DNAI3: variants seen among roughly 807,000 people sequenced by gnomAD.
DNAI3 encodes dynein axonemal intermediate chain 3.
In DNAI3, 83 loss-of-function variants were observed where a neutral mutation model predicts 115.5. That is an observed-to-expected ratio of 0.72 (90% confidence interval 0.60 to 0.86). The LOEUF (loss-of-function observed/expected upper bound fraction) is 0.86. Among genes scored for constraint, DNAI3 ranks in the 40% least tolerant of loss-of-function variants. The probability of loss-of-function intolerance (pLI) is 0.00; values close to 1 mark genes in which losing one functional copy is unlikely to be tolerated. For missense variants in DNAI3, 1,004 were observed against 1,075.8 expected (o/e 0.93, Z 0.93); for synonymous variants, 320 against 347.0 (o/e 0.92, Z 0.86).
At position 85,108,085 on chromosome 1, in the gene DNAI3, A is replaced by C. The variant is rs756741587; in HGVS notation, c.1606A>C (p.Thr536Pro). ...RPQKPLTPQTTEKKKEESIEI... is the reference protein window; with the variant it reads ...RPQKPLTPQTPEKKKEESIEI... ...ACAGAAACCTTTAACCCCCCAAACA[A>C]CAGAGAAAAAGAAGGAGGAAAGTAT... is the stretch of plus-strand genomic sequence containing the variant. The change falls in exon 15 of 23, where the codon ACA (threonine) becomes CCA (proline). Residue 536 changes from threonine to proline, a missense_variant. Physicochemically the swap from Thr to Pro is conservative, Grantham distance 38. This residue lies in a region of DNAI3 where 429 missense variants were observed against 454.3 expected (regional missense o/e 0.94). Coordinates refer to ENST00000294664, the MANE Select transcript of DNAI3 (RefSeq NM_145172.5). 1.2e-6 allele frequency: 2 copies of C among 1,610,118 alleles called. No individual in the cohort carries two copies. Among genetic ancestry groups the C allele is most frequent in the African/African-American group, 2.7e-5 (2 of 74,822 alleles).
chr1:85,082,772 C>T (rs1654673595), intron 5 of DNAI3, among the ~76,000 whole-genome samples: 1 of 152,158 alleles, frequency 6.6e-6, no homozygotes. Flanking sequence ...AGATCGGGTT[C>T]TGGCACCTAG....
intron 5 of DNAI3, 74 bp downstream of exon 5, chr1:85,082,478 C>A: frequency 8.5e-7 from 1 of 1,182,712 alleles, no homozygotes; most frequent in Non-Finnish European, 1.2e-6. Context: ...TAGGCTCTTG[C>A]TCTGTCACCC....
rs143844361 is a variant in DNAI3, at chr1:85,085,047, A to G, written c.540+352A>G. Among the ~76,000 whole-genome samples, 8 of 152,308 alleles carry G rather than the reference A, an allele frequency of 5.3e-5. No homozygotes were observed. The East Asian group carries it at 1.2e-3, about 22-fold the overall frequency. ...CTTGTGATAAGATGGCCATGGGATG[A>G]CAAAGAGACACAGGGAGAATGGCAT... On this transcript the variant is annotated intron_variant, in intron 6 of 22. Transcript: ENST00000294664.
intron 1 of DNAI3, among the ~76,000 whole-genome samples, chr1:85,068,941 G>A (rs951144509): frequency 6.6e-6 from 1 of 152,202 alleles, no homozygotes; most frequent in African/African-American, 2.4e-5. Flanking sequence ...TGTGAAAGTG[G>A]TATGTGTGAA....
chr1:85,085,165 G>T (rs1484258402), intron 6 of DNAI3, among the ~76,000 whole-genome samples: 2 of 152,120 alleles, frequency 1.3e-5, no homozygotes, highest in Admixed American at 1.3e-4. Context: ...CAGAAACAGG[G>T]AACAGATTCT....
At position 85,073,067 on chromosome 1, in the gene DNAI3, G is replaced by A; in HGVS notation, c.78G>A (p.Met26Ile). ...LKPVLAASED[M>I]EPVNMESMGH... Reference sequence around the variant, plus strand: ...ATTATATTCTAGCTAGTGAAGACATGGAACCAGTAAATATGGAGAGCATGG... The same window carrying A: ...ATTATATTCTAGCTAGTGAAGACATAGAACCAGTAAATATGGAGAGCATGG... The change falls in exon 3 of 23, where the codon ATG becomes ATA. Residue 26 changes from methionine (M) to isoleucine (I), a missense_variant. Coordinates refer to ENST00000294664, the MANE Select transcript of DNAI3 (RefSeq NM_145172.5). 2.6e-6 allele frequency: 4 copies of A among 1,548,046 alleles called. No homozygotes were observed. The highest frequency in any genetic ancestry group is 3.5e-6 in the Non-Finnish European group (4 of 1,144,712).
Position 85,098,680 on chromosome 1 carries a change from C to A in DNAI3, c.1479+22C>A, listed in dbSNP as rs1050619425. The A allele has an allele frequency of 2.1e-5, 33 of 1,605,770 alleles. No individual in the cohort carries two copies. In the Admixed American group the frequency reaches 5.7e-4, roughly 28 times the overall value. On this transcript the variant is annotated intron_variant, in intron 13 of 22. Coordinates refer to ENST00000294664, the MANE Select transcript of DNAI3 (RefSeq NM_145172.5). ...TGAGGTGAGACTTGATGGCCTTATA[C>A]TTTTCTCCTGCTGAATTACACATTT... is the stretch of plus-strand genomic sequence containing the variant.
intron 1 of DNAI3, among the ~76,000 whole-genome samples, chr1:85,063,840 C>A (rs12035525): frequency 0.06 from 9,201 of 152,136 alleles, 431 homozygotes; most frequent in East Asian, 0.19. Context: ...GGAGGAGAAT[C>A]TGTGGATTTT....
At chr1:85,111,401 C>T (rs1393010958) in intron 16 of DNAI3, among the ~76,000 whole-genome samples, 2 of 152,126 alleles carry the variant, frequency 1.3e-5, no homozygotes, top group Non-Finnish European at 2.9e-5. Flanking sequence ...TGTATTTGAT[C>T]ATTGGTTATA....
intron 17 of DNAI3, among the ~76,000 whole-genome samples, chr1:85,120,843 C>T (rs1655975572): frequency 6.6e-6 from 1 of 152,200 alleles, no homozygotes; most frequent in Non-Finnish European, 1.5e-5. Context: ...AATGAATTAA[C>T]ACAGATGAAT....
intron 21 of DNAI3, 59 bp from the exon 22 acceptor site, chr1:85,129,931 T>C: frequency 6.4e-7 from 1 of 1,556,860 alleles, no homozygotes. Context: ...AACAGAGCCT[T>C]GTAAAGGTCA....
Position 85,110,155 on chromosome 1 carries a change from T to TAAA in DNAI3, c.1786+32_1786+34dup. The TAAA allele has an allele frequency of 8.6e-6, 12 of 1,398,212 alleles. No individual in the cohort carries two copies. The highest frequency in any genetic ancestry group is 2.5e-5 in the East Asian group (1 of 39,584). The allele number at this position is 1,398,212 out of a possible 1,614,324, so 86.6% of individuals were successfully genotyped here. A position where few individuals can be genotyped will look rare whatever the true frequency, so the allele number is the denominator to read the frequency against. On this transcript the variant is annotated intron_variant, in intron 16 of 22. Transcript: ENST00000294664. ...CACAAGGTAACTGCCTTTGCTTATT[T>TAAA]AAAAAAAAAAAAAAGGCCGGGCGCG... is the stretch of plus-strand genomic sequence containing the variant.
At chr1:85,088,036 C>T (rs1003269981) in intron 7 of DNAI3, among the ~76,000 whole-genome samples, 1 of 152,004 alleles carries the variant, frequency 6.6e-6, no homozygotes, top group African/African-American at 2.4e-5. Flanking sequence ...AATTGGTGGT[C>T]AAGTCCTGGC....
At chr1:85,063,010 T>A (rs549738666) in intron 1 of DNAI3, among the ~76,000 whole-genome samples, 1 of 152,338 alleles carries the variant, frequency 6.6e-6, no homozygotes, top group South Asian at 2.1e-4. Flanking sequence ...GACATTGTCT[T>A]ATTCCCCTAG....
chr1:85,077,653 T>C (rs1253753466), intron 3 of DNAI3, among the ~76,000 whole-genome samples: 3 of 152,154 alleles, frequency 2.0e-5, no homozygotes, highest in Non-Finnish European at 4.4e-5. Flanking sequence ...AACAGCTTAG[T>C]GGTTACTTGG....
Position 85,117,828 on chromosome 1 carries a change from A to G in DNAI3, c.1886A>G (p.Asp629Gly). 1.2e-6 allele frequency: 2 copies of G among 1,613,466 alleles called. No individual in the cohort carries two copies. The highest frequency in any genetic ancestry group is 1.7e-6 in the Non-Finnish European group (2 of 1,179,482). ...GCCAATCTTCTCAAGCCAATAGATG[A>G]CTTCTGCACAAAGTTCTTTGTGGGA... is the stretch of plus-strand genomic sequence containing the variant. Reference protein sequence around the residue: ...GMANLLKPIDDFCTKFFVGTE... With the variant: ...GMANLLKPIDGFCTKFFVGTE... The change falls in exon 17 of 23, where the codon GAC (aspartate) becomes GGC (glycine). Residue 629 changes from aspartate (D) to glycine (G), a missense_variant. Asp to Gly is a moderately conservative substitution (Grantham distance 94). This residue lies in a region of DNAI3 where 429 missense variants were observed against 454.3 expected (regional missense o/e 0.94). Coordinates refer to ENST00000294664, the MANE Select transcript of DNAI3 (RefSeq NM_145172.5).
At chr1:85,130,700 G>C (rs952077392) in intron 22 of DNAI3, among the ~76,000 whole-genome samples, 4 of 146,802 alleles carry the variant, frequency 2.7e-5, no homozygotes, top group African/African-American at 1.0e-4. Context: ...TAGATAGATA[G>C]ATAGATAGAT....
intron 13 of DNAI3, 103 bp from the exon 14 acceptor site, chr1:85,104,421 G>A (rs1263819917): frequency 2.4e-5 from 24 of 990,356 alleles, no homozygotes; most frequent in Non-Finnish European, 3.5e-5. Flanking sequence ...GCCCCCGGCC[G>A]GTATGTTCTT....
intron 16 of DNAI3, among the ~76,000 whole-genome samples, chr1:85,112,759 G>T (rs1332018685): frequency 1.3e-5 from 2 of 152,098 alleles, no homozygotes; most frequent in Admixed American, 6.6e-5. Context: ...CCATTTATCA[G>T]TTGGGTTGTT....
Sources: gnomAD v4.1 joint callset for allele counts (sites outside exome capture counted in the v4.1 genomes callset) on GRCh38, gnomAD v4.1.1 for gene constraint, gnomAD v4.1.1 regional missense constraint, MANE v1.5 for transcripts, NCBI Gene and HGNC (gene_info 2026-07-23, HGNC 2026-07-21) for gene names.